RPS12: variants seen among roughly 807,000 people sequenced by gnomAD.
RPS12 encodes ribosomal protein S12, also known as small ribosomal subunit protein eS12.
In RPS12, 1 loss-of-function variant was observed where a neutral mutation model predicts 17.2. The observed-to-expected ratio is 0.06, with a 90% CI of 0.02 to 0.28. The LOEUF (loss-of-function observed/expected upper bound fraction) is 0.28. Ranked by LOEUF, RPS12 falls within the 10% of genes least tolerant of loss-of-function variation. RPS12 has a pLI of 1.00. For synonymous variants in RPS12, 67 were observed against 54.0 expected, an observed-to-expected ratio of 1.24 and a Z score of -1.06; for missense variants, 146 against 162.1, an observed-to-expected ratio of 0.90 and a Z score of 0.54.
intron 5 of RPS12, 23 bp from the exon 6 acceptor site, chr6:132,817,457 A>T: frequency 6.8e-7 from 1 of 1,470,240 alleles, no homozygotes; most frequent in South Asian, 1.1e-5. Context: ...AAGAAATTGC[A>T]TGCGTGTTTT....
intron 1 of RPS12, 31 bp downstream of exon 1, chr6:132,814,644 T>C: frequency 1.8e-6 from 2 of 1,125,972 alleles, no homozygotes; most frequent in Non-Finnish European, 1.3e-6. Flanking sequence ...GGGGGGTGTA[T>C]TGGTTATAAT....
At chr6:132,815,839 C>CT (rs1435726611) in intron 3 of RPS12, 7 of 416,632 alleles carry the variant, frequency 1.7e-5, no homozygotes, top group Non-Finnish European at 2.3e-5. Flanking sequence ...TTTTTTTTTT[C>CT]TTTTTTCTTT....
Position 132,817,060 on chromosome 6 carries a change from A to T in RPS12, c.335A>T (p.Lys112Met). ...KVVGCSCVVV[K>M]DYGKESQAKD... ...GTTGGTTGCAGTTGTGTAGTAGTTA[A>T]GGTAAGTCACCGTTTATTCTAGGGA... The change falls in exon 5 of 6, where the codon AAG (lysine) becomes ATG (methionine). Residue 112 changes from lysine to methionine, a missense_variant and splice_region_variant. By Grantham distance (95) the Lys-to-Met change is moderately conservative. Coordinates refer to ENST00000230050, the MANE Select transcript of RPS12 (RefSeq NM_001016.4). The T allele has an allele frequency of 6.3e-7, 1 of 1,578,734 alleles. No homozygotes were observed. Among genetic ancestry groups the T allele is most frequent in the Non-Finnish European group, 8.7e-7 (1 of 1,149,606 alleles).
rs1371653022 is a variant in RPS12, at chr6:132,814,584, C to T, written c.-67C>T. 3 of 772,234 alleles carry T rather than the reference C, an allele frequency of 3.9e-6. No homozygotes were observed. The highest frequency in any genetic ancestry group is 1.7e-5 in the African/African-American group (1 of 58,320). The allele number at this position is 772,234 out of a possible 1,614,324, so 47.8% of individuals were successfully genotyped here. A position where few individuals can be genotyped will look rare whatever the true frequency, so the allele number is the denominator to read the frequency against. On this transcript the variant is annotated 5_prime_UTR_variant, in exon 1 of 6. Transcript: ENST00000230050. ...CGGATGAGGCCTCTTTCCCTGCCGC[C>T]GCCGAGTCGCGCGGAGGCGGAGGCT...
In RPS12 at chr6:132,814,599, A is replaced by G. The variant is rs1035754000; in HGVS notation, c.-52A>G. ...TCCCTGCCGCCGCCGAGTCGCGCGG[A>G]GGCGGAGGCTTGGGGTAAGTTGAGC... On this transcript the variant is annotated 5_prime_UTR_variant, in exon 1 of 6. Transcript: ENST00000230050. 2.4e-6 allele frequency: 2 copies of G among 825,504 alleles called. No individual in the cohort carries two copies. Among genetic ancestry groups the G allele is most frequent in the Non-Finnish European group, 4.1e-6 (2 of 487,198 alleles). The allele number at this position is 825,504 out of a possible 1,614,324, so 51.1% of individuals were successfully genotyped here.
Position 132,816,078 on chromosome 6 carries a change from C to T in RPS12, c.132-383C>T, listed in dbSNP as rs753952977. On this transcript the variant is annotated intron_variant, in intron 3 of 5. Transcript: ENST00000230050. ...GGTACTCCTGACCTCGGGTCATCTGCCCCCCTCGTCTTCCCAAAGTGCTGG... is the reference window on the plus strand; with the variant it reads ...GGTACTCCTGACCTCGGGTCATCTGTCCCCCTCGTCTTCCCAAAGTGCTGG... 8 of 358,150 alleles carry T rather than the reference C, an allele frequency of 2.2e-5. 1 individual carries two copies. Among genetic ancestry groups the T allele is most frequent in the East Asian group, 2.2e-4 (3 of 13,878 alleles). 22.2% of individuals were successfully genotyped at this position (358,150 alleles called of 1,614,324 possible).
Position 132,814,990 on chromosome 6 carries a change from A to T in RPS12, c.33A>T (p.Val11=), listed in dbSNP as rs147158428. ...GTTTAAGCATTGCTGCTGGAGGTGTAATGGACGTTAATACTGCTTTACAAG... is the reference window on the plus strand; with the variant it reads ...GTTTAAGCATTGCTGCTGGAGGTGTTATGGACGTTAATACTGCTTTACAAG... MAEEGIAAGG[V]MDVNTALQEV... Residue 11 remains valine, a synonymous_variant, in exon 3 of 6, where the codon GTA becomes GTT. Transcript: ENST00000230050. 6 of 1,611,882 alleles carry T rather than the reference A, an allele frequency of 3.7e-6. No individual in the cohort carries two copies. In the African/African-American group the frequency reaches 6.7e-5, roughly 18 times the overall value.
At chr6:132,815,982 C>G in intron 3 of RPS12, 2 of 444,250 alleles carry the variant, frequency 4.5e-6, no homozygotes, top group Non-Finnish European at 9.0e-6. Flanking sequence ...CAGGCACACG[C>G]CACCATGCCC....
Position 132,816,517 on chromosome 6 carries a change from A to G in RPS12, c.188A>G (p.Lys63Arg), listed in dbSNP as rs1312771817. 3.1e-6 allele frequency: 5 copies of G among 1,605,388 alleles called. No homozygotes were observed. The African/African-American group carries it at 4.0e-5, about 13-fold the overall frequency. The change falls in exon 4 of 6, where the codon AAG (lysine) becomes AGG (arginine). Residue 63 changes from lysine to arginine, a missense_variant. Physicochemically the swap from Lys to Arg is conservative, Grantham distance 26. Coordinates refer to ENST00000230050, the MANE Select transcript of RPS12 (RefSeq NM_001016.4). ...ASNCDEPMYV[K>R]LVEALCAEHQ... ...AACTGTGATGAGCCTATGTATGTCA[A>G]GTTGGTGGAGGCCCTTTGTGCTGAA... is the stretch of plus-strand genomic sequence containing the variant.
chr6:132,815,313 A>G (rs764224432), intron 3 of RPS12: 7 of 717,122 alleles, frequency 9.8e-6, no homozygotes, highest in Admixed American at 7.0e-5. Flanking sequence ...CAGTGTTTGA[A>G]TGATGACTTT....
At chr6:132,817,447 A>G (rs763830663) in intron 5 of RPS12, 33 bp from the exon 6 acceptor site, 6 of 1,382,430 alleles carry the variant, frequency 4.3e-6, no homozygotes, top group Non-Finnish European at 6.1e-6. Flanking sequence ...AAATATTAAC[A>G]AGAAATTGCA....
rs1296158959 is a variant in RPS12 at position 132,814,933 on chromosome 6, G to C, written c.15-39G>C. Reference sequence around the variant, plus strand: ...CTGAGTGCAAGGCCTTATGTGGTGTGAGGATTTTAACTGATGGTTCTGATG... The same window carrying C: ...CTGAGTGCAAGGCCTTATGTGGTGTCAGGATTTTAACTGATGGTTCTGATG... On this transcript the variant is annotated intron_variant, in intron 2 of 5. Transcript: ENST00000230050. 2.7e-6 allele frequency: 4 copies of C among 1,475,266 alleles called. No homozygotes were observed. The Admixed American group carries it at 6.7e-5, about 25-fold the overall frequency. The allele number at this position is 1,475,266 out of a possible 1,614,324, so 91.4% of individuals were successfully genotyped here.
intron 3 of RPS12, among the ~76,000 whole-genome samples, chr6:132,816,229 C>A (rs1401719443): frequency 1.3e-5 from 2 of 152,132 alleles, no homozygotes; most frequent in Non-Finnish European, 2.9e-5. Flanking sequence ...TACACCAATT[C>A]AGTGTGTCAG....
chr6:132,814,681 A>T (rs151199529), intron 1 of RPS12, 51 bp from the exon 2 acceptor site: 10 of 1,449,070 alleles, frequency 6.9e-6, no homozygotes, highest in Admixed American at 1.7e-5. Flanking sequence ...TCTTGCTGGG[A>T]TTCGTGACGA....
At chr6:132,816,842 A>G (rs202142392) in intron 4 of RPS12, 118 bp from the exon 5 acceptor site, 11 of 798,174 alleles carry the variant, frequency 1.4e-5, no homozygotes, top group Non-Finnish European at 2.5e-5. Flanking sequence ...CTGAACTGCC[A>G]TGAGGAAACT....
intron 5 of RPS12, 198 bp downstream of exon 5, chr6:132,817,259 A>C: frequency 1.3e-6 from 1 of 772,998 alleles, no homozygotes; most frequent in East Asian, 2.4e-5. Context: ...GTGTTTGTGC[A>C]GACATACTTT....
chr6:132,816,791 G>A, intron 4 of RPS12, 169 bp from the exon 5 acceptor site: 1 of 770,262 alleles, frequency 1.3e-6, no homozygotes, highest in Non-Finnish European at 2.4e-6. Context: ...AGGCTTGTAG[G>A]TGATCTTAGT....
At chr6:132,815,737 A>G (rs1782036813) in intron 3 of RPS12, 1 of 456,434 alleles carries the variant, frequency 2.2e-6, no homozygotes. Flanking sequence ...TTATTGTTTA[A>G]TGTATTTAGT....
At chr6:132,816,416 T>C in intron 3 of RPS12, 45 bp from the exon 4 acceptor site, 1 of 1,430,398 alleles carries the variant, frequency 7.0e-7, no homozygotes, top group East Asian at 2.3e-5. Context: ...ATGATGGATT[T>C]GGATCTGAGT....
Sources: allele counts gnomAD v4.1 joint callset (sites outside exome capture counted in the v4.1 genomes callset), GRCh38; gene constraint gnomAD v4.1.1; transcripts MANE v1.5; gene names NCBI Gene and HGNC (gene_info 2026-07-23, HGNC 2026-07-21).